The following GALNT18 variants were observed in gnomAD, a reference collection of about 807,000 sequenced individuals.
GALNT18 encodes the protein GalNAc-transferase 18.
In GALNT18, 44 loss-of-function variants were observed where a neutral mutation model predicts 69.5. That is an observed-to-expected ratio of 0.63 (90% confidence interval 0.50 to 0.81). The LOEUF (loss-of-function observed/expected upper bound fraction) is 0.81, where lower values mean the gene tolerates loss of function less well. Ranked by LOEUF, GALNT18 falls within the 40% of genes least tolerant of loss-of-function variation. The pLI is 0.00. For synonymous variants in GALNT18, 364 were observed against 318.2 expected (o/e 1.14, Z -1.53); for missense variants, 715 against 810.0 (o/e 0.88, Z 1.42).
intron 10 of GALNT18, among the ~76,000 whole-genome samples, chr11:11,273,581 T>G (rs1291546259): frequency 1.3e-5 from 2 of 152,204 alleles, no homozygotes; most frequent in Admixed American, 1.3e-4. Flanking sequence ...GAAACCTTTG[T>G]ACATTGTTGG....
At chr11:11,275,894 C>G (rs572966730) in intron 10 of GALNT18, among the ~76,000 whole-genome samples, 9 of 152,220 alleles carry the variant, frequency 5.9e-5, no homozygotes, top group African/African-American at 2.2e-4. Flanking sequence ...TGGTCTATCT[C>G]TCTGTTTTGG....
intron 1 of GALNT18, among the ~76,000 whole-genome samples, chr11:11,453,674 C>T (rs1353343809): frequency 2.0e-5 from 3 of 152,128 alleles, no homozygotes; most frequent in African/African-American, 4.8e-5. Flanking sequence ...GCTGTTCTCA[C>T]GATAGTGAAT....
rs1201167585 is a variant in GALNT18 at position 11,387,761 on chromosome 11, T to C, written c.596-8497A>G. Among the ~76,000 whole-genome samples, 5 of 152,344 alleles carry C rather than the reference T, an allele frequency of 3.3e-5. No homozygotes were observed. Among genetic ancestry groups the C allele is most frequent in the African/African-American group, 1.2e-4 (5 of 41,588 alleles). ...ACAGATGTCACCGTCCGCACCTCCA[T>C]GGAGAATCTGGAGTGGGGGCTCAGG... On this transcript the variant is annotated intron_variant, in intron 3 of 10. Coordinates refer to ENST00000227756, the MANE Select transcript of GALNT18 (RefSeq NM_198516.3). This position sits in a 1 kb window ranked among gnomAD's most constrained non-coding sequence, Gnocchi z 4.6.
At chr11:11,552,805 T>A (rs941356773) in intron 1 of GALNT18, among the ~76,000 whole-genome samples, 1 of 152,152 alleles carries the variant, frequency 6.6e-6, no homozygotes, top group Non-Finnish European at 1.5e-5. Context: ...TCTGTCAGCC[T>A]TTCTCAAGAA....
rs1396479000 is a variant in GALNT18 at position 11,332,638 on chromosome 11, A to C, written c.1416+56T>G. On this transcript the variant is annotated intron_variant, in intron 8 of 10. Coordinates refer to ENST00000227756, the MANE Select transcript of GALNT18 (RefSeq NM_198516.3). This position sits in a 1 kb window ranked among gnomAD's most constrained non-coding sequence, Gnocchi z 4.3. ...CTCTTTCCCTCCTCTCCCTTTCTTCACTATGTTTCTTTCTGTCTGTGTCTG... is the reference window on the plus strand; with the variant it reads ...CTCTTTCCCTCCTCTCCCTTTCTTCCCTATGTTTCTTTCTGTCTGTGTCTG... 20 of 1,593,474 alleles carry C rather than the reference A, an allele frequency of 1.3e-5. No homozygotes were observed. Among genetic ancestry groups the C allele is most frequent in the Admixed American group, 5.0e-5 (3 of 59,722 alleles).
intron 3 of GALNT18, among the ~76,000 whole-genome samples, chr11:11,380,366 G>A (rs1023371976): frequency 4.6e-5 from 7 of 152,120 alleles, no homozygotes; most frequent in African/African-American, 7.2e-5. Flanking sequence ...TTGTGTTTCC[G>A]CATATTTCAT....
rs35535028 is a variant in GALNT18 at position 11,523,734 on chromosome 11, T to A, written c.236-74798A>T. The stretch of plus-strand genomic sequence containing the variant: ...ACTCCATCTCAAAAAAAAAAAAAAA[T>A]ATCGTACACCCTGCCTCCCTGGGAA... On this transcript the variant is annotated intron_variant, in intron 1 of 10. Coordinates refer to ENST00000227756, the MANE Select transcript of GALNT18 (RefSeq NM_198516.3). This position sits in a 1 kb window ranked among gnomAD's most constrained non-coding sequence, Gnocchi z 4.3. Among the ~76,000 whole-genome samples the A allele has an allele frequency of 0.23, 34,560 of 148,396 alleles. 4,936 individuals are homozygous for A. The highest frequency in any genetic ancestry group is 0.37 in the South Asian group (1,734 of 4,664).
intron 1 of GALNT18, among the ~76,000 whole-genome samples, chr11:11,519,227 G>C (rs1857343529): frequency 6.6e-6 from 1 of 152,160 alleles, no homozygotes; most frequent in South Asian, 2.1e-4. Context: ...ATTTCCAACT[G>C]AGTTTAATTT....
At chr11:11,512,902 GT>G (rs1857192308) in intron 1 of GALNT18, among the ~76,000 whole-genome samples, 3 of 152,204 alleles carry the variant, frequency 2.0e-5, no homozygotes, top group African/African-American at 7.2e-5. Context: ...GGTGGCCCGT[GT>G]GTGTGATCTG....
At chr11:11,561,172 C>T (rs550423362) in intron 1 of GALNT18, among the ~76,000 whole-genome samples, 13 of 152,192 alleles carry the variant, frequency 8.5e-5, no homozygotes, top group East Asian at 7.7e-4. Flanking sequence ...GCAGAAACTG[C>T]GAGGCGCCTT....
chr11:11,283,294 G>A (rs1468436846), intron 10 of GALNT18, among the ~76,000 whole-genome samples: 3 of 152,164 alleles, frequency 2.0e-5, no homozygotes, highest in Admixed American at 6.5e-5. Context: ...TTACAGACAT[G>A]CACCATCATG....
At chr11:11,515,590 T>A (rs1398308839) in intron 1 of GALNT18, among the ~76,000 whole-genome samples, 1 of 151,272 alleles carries the variant, frequency 6.6e-6, no homozygotes, top group Admixed American at 6.6e-5. Flanking sequence ...ATGAGATGAG[T>A]CAGGTGGGCG....
intron 1 of GALNT18, among the ~76,000 whole-genome samples, chr11:11,558,951 A>T (rs1209744437): frequency 6.6e-6 from 1 of 152,228 alleles, no homozygotes; most frequent in African/African-American, 2.4e-5. Context: ...GCTGCACAGC[A>T]CAGGAGTGAG....
rs756427175 is a variant in GALNT18, at chr11:11,469,318, C to T, written c.236-20382G>A. On this transcript the variant is annotated intron_variant, in intron 1 of 10. Transcript: ENST00000227756. The surrounding 1 kb of genome is among the most constrained non-coding windows in gnomAD (Gnocchi z 4.2). ...GAGCAGATGAAAGGCATGGAGACAG[C>T]GCTGAAAGCCTGCCCCTCATTATAA... Among the ~76,000 whole-genome samples, 15 of 152,168 alleles carry T rather than the reference C, an allele frequency of 9.9e-5. No individual in the cohort carries two copies. The highest frequency in any genetic ancestry group is 1.3e-4 in the Admixed American group (2 of 15,274).
intron 1 of GALNT18, among the ~76,000 whole-genome samples, chr11:11,527,362 T>C (rs1857546418): frequency 6.6e-6 from 1 of 152,240 alleles, no homozygotes; most frequent in Non-Finnish European, 1.5e-5. Flanking sequence ...CCCCTGCAGA[T>C]ACTTGTTTGC....
rs1376196714 is a variant in GALNT18, at chr11:11,315,946, G to A, written c.1512+11140C>T. 6.6e-6 allele frequency among the ~76,000 whole-genome samples: 1 copy of A among 151,956 alleles called. No individual in the cohort carries two copies. Among genetic ancestry groups the A allele is most frequent in the African/African-American group, 2.4e-5 (1 of 41,374 alleles). On this transcript the variant is annotated intron_variant, in intron 9 of 10. Coordinates refer to ENST00000227756, the MANE Select transcript of GALNT18 (RefSeq NM_198516.3). This position sits in a 1 kb window ranked among gnomAD's most constrained non-coding sequence, Gnocchi z 5.6. Reference sequence around the variant, plus strand: ...GGCTGCCGAGAGTGAGCCTCACAGGGCCAGTCCCCGCATCACTCTGTACTG... The same window carrying A: ...GGCTGCCGAGAGTGAGCCTCACAGGACCAGTCCCCGCATCACTCTGTACTG...
chr11:11,421,227 G>T lies in GALNT18; in HGVS notation c.595+11394C>A, dbSNP rs17365816. On this transcript the variant is annotated intron_variant, in intron 3 of 10. Transcript: ENST00000227756. This position sits in a 1 kb window ranked among gnomAD's most constrained non-coding sequence, Gnocchi z 5.6. ...GGTGCAGCATGTTGGGACCTCAGCA[G>T]AGAGGCCGGTGAGAGCAGAGAAGAG... Among the ~76,000 whole-genome samples the T allele has an allele frequency of 6.6e-6, 1 of 152,128 alleles. No homozygotes were observed. The highest frequency in any genetic ancestry group is 1.5e-5 in the Non-Finnish European group (1 of 68,030).
chr11:11,504,808 C>G (rs1857040336), intron 1 of GALNT18, among the ~76,000 whole-genome samples: 1 of 152,012 alleles, frequency 6.6e-6, no homozygotes, highest in African/African-American at 2.4e-5. Context: ...AGAGCCTATA[C>G]TTGCTAGGCA....
At chr11:11,607,199 CCTATTTTG>C (rs1270977548) in intron 1 of GALNT18, among the ~76,000 whole-genome samples, 1 of 152,178 alleles carries the variant, frequency 6.6e-6, no homozygotes, top group East Asian at 1.9e-4. Flanking sequence ...AATACTTATG[CCTATTTTG>C]CTAAAAACAG....
Sources: allele counts gnomAD v4.1 joint callset (sites outside exome capture counted in the v4.1 genomes callset), GRCh38; gene constraint gnomAD v4.1.1; non-coding constraint Gnocchi (gnomAD v3.1); transcripts MANE v1.5; gene names NCBI Gene and HGNC (gene_info 2026-07-23, HGNC 2026-07-21).